Variants in ACVR1 observed in about 807,000 individuals in gnomAD.
The protein encoded by ACVR1 is activin A receptor type 1, also known as activin receptor type-1.
ACVR1 carries 38 observed loss-of-function variants against 57.1 expected under a neutral mutation model. The ratio of observed to expected loss-of-function variants is 0.67; its 90% CI spans 0.51 to 0.87. ACVR1 has a LOEUF of 0.87. Among genes scored for constraint, ACVR1 ranks in the 40% least tolerant of loss-of-function variants. The probability of loss-of-function intolerance (pLI) is 0.00; values close to 1 mark genes in which losing one functional copy is unlikely to be tolerated. For synonymous variants in ACVR1, 212 were observed against 228.1 expected (o/e 0.93, Z 0.63); for missense variants, 463 against 638.2 (o/e 0.73, Z 2.96).
chr2:157,842,481 C>T (rs1689012741), intron 1 of ACVR1, among the ~76,000 whole-genome samples: 1 of 152,182 alleles, frequency 6.6e-6, no homozygotes, highest in African/African-American at 2.4e-5. Context: ...AATCAAGTTC[C>T]TGCCCTCAGA....
intron 1 of ACVR1, among the ~76,000 whole-genome samples, chr2:157,855,864 A>G (rs1265138951): frequency 6.6e-6 from 1 of 152,078 alleles, no homozygotes; most frequent in East Asian, 1.9e-4. Context: ...TCCTCCCAAG[A>G]GGAACATGCT....
intron 3 of ACVR1, among the ~76,000 whole-genome samples, chr2:157,797,056 G>GA (rs1161901013): frequency 2.2e-4 from 34 of 152,208 alleles, no homozygotes; most frequent in Admixed American, 1.2e-3. Context: ...ACAGCAGTAG[G>GA]AAAAAACAGG....
At chr2:157,846,304 T>C (rs542926320) in intron 1 of ACVR1, among the ~76,000 whole-genome samples, 1 of 152,320 alleles carries the variant, frequency 6.6e-6, no homozygotes, top group African/African-American at 2.4e-5. Flanking sequence ...AGTAAATTTG[T>C]GCTGTTTCAA....
chr2:157,823,749 G>A (rs974578064), intron 1 of ACVR1, among the ~76,000 whole-genome samples: 1 of 152,106 alleles, frequency 6.6e-6, no homozygotes, highest in Non-Finnish European at 1.5e-5. Flanking sequence ...CCGTAACCTC[G>A]AAACCCTCAA....
At chr2:157,865,896 A>G (rs964440543) in intron 1 of ACVR1, among the ~76,000 whole-genome samples, 2 of 151,828 alleles carry the variant, frequency 1.3e-5, no homozygotes, top group African/African-American at 4.8e-5. Context: ...GCGTGGGGAT[A>G]TATTTCAAGA....
chr2:157,736,826 TA>T lies in ACVR1; in HGVS notation c.*704del. On this transcript the variant is annotated 3_prime_UTR_variant, in exon 11 of 11. Transcript: ENST00000434821. ...ATAAAATCATAAGACCACATAAAAATAAGCTTTAACATATGCACAAAGCAGT... is the reference window on the plus strand; with the variant it reads ...ATAAAATCATAAGACCACATAAAAATAGCTTTAACATATGCACAAAGCAGT... 2.9e-6 allele frequency: 1 copy of T among 342,494 alleles called. No individual in the cohort carries two copies. Among genetic ancestry groups the T allele is most frequent in the Non-Finnish European group, 5.4e-6 (1 of 186,658 alleles). The allele number at this position is 342,494 out of a possible 1,614,324, so 21.2% of individuals were successfully genotyped here. A position where few individuals can be genotyped will look rare whatever the true frequency, so the allele number is the denominator to read the frequency against.
intron 1 of ACVR1, among the ~76,000 whole-genome samples, chr2:157,837,136 C>T (rs1559086173): frequency 6.6e-6 from 1 of 152,224 alleles, no homozygotes; most frequent in Non-Finnish European, 1.5e-5. Flanking sequence ...CTTTTCCCTT[C>T]CCCATGTATA....
chr2:157,737,217 T>TGA lies in ACVR1; in HGVS notation c.*312_*313dup. On this transcript the variant is annotated 3_prime_UTR_variant, in exon 11 of 11. Coordinates refer to ENST00000434821, the MANE Select transcript of ACVR1 (RefSeq NM_001111067.4). ...ACTTGTGAAAGCTATGCAAAGCCAC[T>TGA]GACTTAATGCCCAGATCTCTTTTAG... 2.2e-6 allele frequency: 1 copy of TGA among 459,476 alleles called. No individual in the cohort carries two copies. The highest frequency in any genetic ancestry group is 4.0e-6 in the Non-Finnish European group (1 of 248,858). The allele number at this position is 459,476 out of a possible 1,614,324, so 28.5% of individuals were successfully genotyped here.
intron 6 of ACVR1, among the ~76,000 whole-genome samples, chr2:157,770,798 T>G (rs1686045544): frequency 1.3e-5 from 2 of 152,236 alleles, no homozygotes; most frequent in Admixed American, 6.5e-5. Flanking sequence ...ATTACTCAGT[T>G]TACATTTAAA....
At chr2:157,772,646 G>A (rs1686114869) in intron 6 of ACVR1, among the ~76,000 whole-genome samples, 1 of 152,222 alleles carries the variant, frequency 6.6e-6, no homozygotes, top group African/African-American at 2.4e-5. Context: ...GTAGTGGAGA[G>A]GGGAGATGAG....
At chr2:157,785,961 A>T (rs1686696824) in intron 3 of ACVR1, among the ~76,000 whole-genome samples, 1 of 152,096 alleles carries the variant, frequency 6.6e-6, no homozygotes, top group South Asian at 2.1e-4. Flanking sequence ...TGATCCTTGC[A>T]TGCTCTTCAG....
At chr2:157,764,375 T>C (rs1386228593) in intron 8 of ACVR1, among the ~76,000 whole-genome samples, 1 of 149,960 alleles carries the variant, frequency 6.7e-6, no homozygotes, top group African/African-American at 2.4e-5. Context: ...TTTTTTTTTT[T>C]TTTTGTATTT....
At chr2:157,795,068 C>T (rs1241913702) in intron 3 of ACVR1, among the ~76,000 whole-genome samples, 2 of 151,698 alleles carry the variant, frequency 1.3e-5, no homozygotes, top group Non-Finnish European at 2.9e-5. Flanking sequence ...TTATTTATGT[C>T]CCAAGAATGT....
chr2:157,851,699 G>A (rs529170224), intron 1 of ACVR1, among the ~76,000 whole-genome samples: 24 of 152,198 alleles, frequency 1.6e-4, no homozygotes, highest in Admixed American at 3.3e-4. Flanking sequence ...AGTAGATATC[G>A]CATCCCCTAA....
At chr2:157,755,534 ATACCATACC>A in intron 9 of ACVR1, among the ~76,000 whole-genome samples, 1 of 71,312 alleles carries the variant, frequency 1.4e-5, no homozygotes, top group African/African-American at 9.3e-5. Context: ...ATACCATACC[ATACCATACC>A]ATACCATACC....
At chr2:157,829,568 T>C (rs1470991394) in intron 1 of ACVR1, among the ~76,000 whole-genome samples, 1 of 152,346 alleles carries the variant, frequency 6.6e-6, no homozygotes, top group Middle Eastern at 3.4e-3. Flanking sequence ...TCCAACATCA[T>C]CGAGTTATCA....
chr2:157,822,709 A>C (rs1347878961), intron 1 of ACVR1, among the ~76,000 whole-genome samples: 2 of 152,210 alleles, frequency 1.3e-5, no homozygotes, highest in Non-Finnish European at 2.9e-5. Context: ...TTGTAAATAA[A>C]AGTTTTATTG....
At chr2:157,795,984 G>C (rs1687101878) in intron 3 of ACVR1, among the ~76,000 whole-genome samples, 1 of 152,116 alleles carries the variant, frequency 6.6e-6, no homozygotes, top group South Asian at 2.1e-4. Context: ...AGCACACTGG[G>C]AGATAGAGGT....
Position 157,780,579 on chromosome 2 carries a change from G to C in ACVR1, c.89C>G (p.Pro30Arg), listed in dbSNP as rs1364644712. Reference sequence around the variant, plus strand: ...TTCACACACACACATGTAGAGTTTGGGGTTGACCTTGGGCTTCTCATCTGC... The same window carrying C: ...TTCACACACACACATGTAGAGTTTGCGGTTGACCTTGGGCTTCTCATCTGC... The part of the protein sequence containing the change: ...SMEDEKPKVN[P>R]KLYMCVCEGL... Residue 30 changes from proline to arginine, a missense_variant, in exon 4 of 11, where the codon CCC becomes CGC. Physicochemically the swap from Pro to Arg is moderately radical, Grantham distance 103. Around this residue, in one of 3 missense-constraint regions of ACVR1, gnomAD observed 203 missense variants for 235.5 expected, o/e 0.86. Transcript: ENST00000434821. 6.2e-7 allele frequency: 1 copy of C among 1,613,710 alleles called. No homozygotes were observed. The highest frequency in any genetic ancestry group is 8.5e-7 in the Non-Finnish European group (1 of 1,179,960).
Sources: allele counts gnomAD v4.1 joint callset (sites outside exome capture counted in the v4.1 genomes callset), GRCh38; gene constraint gnomAD v4.1.1; regional missense constraint gnomAD v4.1.1; transcripts MANE v1.5; gene names NCBI Gene and HGNC (gene_info 2026-07-23, HGNC 2026-07-21).